The following EIF3E variants were observed in gnomAD, a reference collection of about 807,000 sequenced individuals.
EIF3E encodes the protein eukaryotic translation initiation factor 3 subunit E, also known as eIF-3 p48.
A neutral mutation model predicts 59.3 loss-of-function variants in EIF3E; 25 were observed. The ratio of observed to expected loss-of-function variants is 0.42; its 90% CI spans 0.31 to 0.59. The LOEUF (loss-of-function observed/expected upper bound fraction) is 0.59, where lower values mean the gene tolerates loss of function less well. Among genes scored for constraint, EIF3E ranks in the 20% least tolerant of loss-of-function variants. The pLI, the probability that EIF3E is intolerant of heterozygous loss-of-function variation, is 0.15. For synonymous variants in EIF3E, 176 were observed against 170.2 expected, an observed-to-expected ratio of 1.03 and a Z score of -0.26; for missense variants, 317 against 534.3, an observed-to-expected ratio of 0.59 and a Z score of 4.01.
At chr8:108,233,723 T>C (rs1161307749) in intron 5 of EIF3E, 2 of 326,750 alleles carry the variant, frequency 6.1e-6, no homozygotes, top group East Asian at 1.1e-4. Context: ...TGCACACTTG[T>C]AGTCCTAGCT....
chr8:108,248,123 C>T (rs958954956), intron 1 of EIF3E, among the ~76,000 whole-genome samples: 9 of 151,988 alleles, frequency 5.9e-5, no homozygotes, highest in African/African-American at 2.2e-4. Flanking sequence ...GAACTCACAA[C>T]TTCATGGAAA....
At chr8:108,248,534 G>A in intron 1 of EIF3E, 79 bp downstream of exon 1, 2 of 1,430,122 alleles carry the variant, frequency 1.4e-6, no homozygotes, top group East Asian at 2.3e-5. Flanking sequence ...TCAGGCCTAG[G>A]ACTACAGACA....
intron 10 of EIF3E, among the ~76,000 whole-genome samples, chr8:108,205,497 C>G (rs927213646): frequency 1.2e-4 from 19 of 152,218 alleles, no homozygotes; most frequent in Non-Finnish European, 2.4e-4. Context: ...GTAGTTCCCA[C>G]TTATCCGTAG....
chr8:108,218,053 A>G (rs1815336602), intron 7 of EIF3E, among the ~76,000 whole-genome samples: 2 of 152,178 alleles, frequency 1.3e-5, no homozygotes, highest in Non-Finnish European at 2.9e-5. Flanking sequence ...AACATGGGAC[A>G]ATGCCCTGTA....
At chr8:108,211,194 C>G (rs954658805) in intron 10 of EIF3E, among the ~76,000 whole-genome samples, 1 of 152,174 alleles carries the variant, frequency 6.6e-6, no homozygotes, top group African/African-American at 2.4e-5. Flanking sequence ...AATGGTTGAA[C>G]TAGTTTACAG....
intron 5 of EIF3E, among the ~76,000 whole-genome samples, chr8:108,233,836 CAAAAAAAAAA>C (rs35065360): frequency 1.4e-5 from 1 of 74,022 alleles, no homozygotes; most frequent in African/African-American, 5.5e-5. Context: ...GACCCTGTCT[CAAAAAAAAAA>C]AAAAAAAAAA....
intron 5 of EIF3E, among the ~76,000 whole-genome samples, chr8:108,232,409 T>TA (rs1479503518): frequency 6.6e-6 from 1 of 152,174 alleles, no homozygotes; most frequent in Admixed American, 6.5e-5. Flanking sequence ...TTCAATCACT[T>TA]AATCAAAATA....
chr8:108,228,971 T>C lies in EIF3E; in HGVS notation c.597+99A>G, dbSNP rs1229074693. 3 of 1,290,740 alleles carry C rather than the reference T, an allele frequency of 2.3e-6. No homozygotes were observed. The Admixed American group carries it at 8.3e-5, about 36-fold the overall frequency. 80.0% of individuals were successfully genotyped at this position (1,290,740 alleles called of 1,614,324 possible). On this transcript the variant is annotated intron_variant, in intron 6 of 12. Transcript: ENST00000220849. ...GGTCAACAAAAGCTAATATGAATTTTTTTTTTTAATTCCCAAAATGCATAG... is the reference window on the plus strand; with the variant it reads ...GGTCAACAAAAGCTAATATGAATTTCTTTTTTTAATTCCCAAAATGCATAG...
At chr8:108,218,749 T>C (rs1815348872) in intron 7 of EIF3E, among the ~76,000 whole-genome samples, 1 of 151,656 alleles carries the variant, frequency 6.6e-6, no homozygotes, top group South Asian at 2.1e-4. Context: ...CTATCAGTTT[T>C]AAAGTAGGTG....
chr8:108,246,493 G>A (rs541321926), intron 1 of EIF3E, among the ~76,000 whole-genome samples: 9 of 152,264 alleles, frequency 5.9e-5, no homozygotes, highest in African/African-American at 1.7e-4. Flanking sequence ...CTAAAGGATA[G>A]GTAAGTTGTT....
rs1377481295 is a variant in EIF3E, at chr8:108,204,764, G to C, written c.1062-1261C>G. ...ATATATATAGAGAGAGAGAGAGAGA[G>C]AGAGAGAGAGAGAGAGACAGAGAGA... On this transcript the variant is annotated intron_variant, in intron 10 of 12. Coordinates refer to ENST00000220849, the MANE Select transcript of EIF3E (RefSeq NM_001568.3). Among the ~76,000 whole-genome samples the C allele has an allele frequency of 4.4e-4, 57 of 130,150 alleles. 1 individual carries two copies. The highest frequency in any genetic ancestry group is 1.8e-3 in the African/African-American group (55 of 30,292). 85.4% of individuals were successfully genotyped at this position (130,150 alleles called of 152,430 possible).
intron 5 of EIF3E, among the ~76,000 whole-genome samples, chr8:108,233,966 G>A (rs559975248): frequency 6.6e-6 from 1 of 151,194 alleles, no homozygotes; most frequent in South Asian, 2.1e-4. Context: ...AACTGTAGAA[G>A]GCACTTAATA....
intron 7 of EIF3E, among the ~76,000 whole-genome samples, chr8:108,224,345 T>G (rs889437805): frequency 6.6e-6 from 1 of 151,624 alleles, no homozygotes; most frequent in African/African-American, 2.4e-5. Context: ...ACTTTTTTCA[T>G]AAATCTTAAA....
chr8:108,217,527 G>C, intron 7 of EIF3E, 67 bp from the exon 8 acceptor site: 1 of 1,354,758 alleles, frequency 7.4e-7, no homozygotes, highest in African/African-American at 1.5e-5. Context: ...TCTCGAGCAG[G>C]TCATTAGATT....
chr8:108,215,899 G>C (rs891356118), intron 9 of EIF3E, among the ~76,000 whole-genome samples: 1 of 152,036 alleles, frequency 6.6e-6, no homozygotes, highest in Admixed American at 6.6e-5. Context: ...TAAACAATAA[G>C]AGACACCGCC....
rs777588590 is a variant in EIF3E at position 108,217,423 on chromosome 8, G to C, written c.760C>G (p.Leu254Val). The C allele has an allele frequency of 6.2e-7, 1 of 1,604,696 alleles. No homozygotes were observed. Among genetic ancestry groups the C allele is most frequent in the Non-Finnish European group, 8.5e-7 (1 of 1,176,062 alleles). Residue 254 changes from leucine (L) to valine (V), a missense_variant, in exon 8 of 13, where the codon CTT becomes GTT. By Grantham distance (32) the Leu-to-Val change is conservative. Around this residue, in one of 4 missense-constraint regions of EIF3E, gnomAD observed 242 missense variants for 398.0 expected, o/e 0.61. Coordinates refer to ENST00000220849, the MANE Select transcript of EIF3E (RefSeq NM_001568.3). ...ATGACTGCTGTAGTCAAATAGCGAA[G>C]AATGTGTGGACACATTGTCTGAATT... ...NAIQTMCPHILRYLTTAVITN... is the reference protein window; with the variant it reads ...NAIQTMCPHIVRYLTTAVITN...
chr8:108,230,023 A>G (rs1238649370), intron 5 of EIF3E, among the ~76,000 whole-genome samples: 1 of 152,172 alleles, frequency 6.6e-6, no homozygotes, highest in Non-Finnish European at 1.5e-5. Flanking sequence ...CTCAAAACAA[A>G]GCAGCAGAAG....
intron 9 of EIF3E, 27 bp downstream of exon 9, chr8:108,216,383 TTA>T: frequency 6.6e-7 from 1 of 1,523,804 alleles, no homozygotes; most frequent in Non-Finnish European, 9.0e-7. Flanking sequence ...AAGAATAGTA[TTA>T]GTTTATAAAT....
At chr8:108,202,324 A>G (rs1260569319) in intron 12 of EIF3E, among the ~76,000 whole-genome samples, 1 of 152,092 alleles carries the variant, frequency 6.6e-6, no homozygotes, top group Non-Finnish European at 1.5e-5. Context: ...TATTCTGCGG[A>G]CACAAATTTG....
Sources: gnomAD v4.1 joint callset for allele counts (sites outside exome capture counted in the v4.1 genomes callset) on GRCh38, gnomAD v4.1.1 for gene constraint, gnomAD v4.1.1 regional missense constraint, MANE v1.5 for transcripts, NCBI Gene and HGNC (gene_info 2026-07-23, HGNC 2026-07-21) for gene names.